Variants in RAPGEF2 observed in about 807,000 individuals in gnomAD.
RAPGEF2 encodes PDZ domain containing guanine nucleotide exchange factor (GEF) 1.
Under a neutral mutation model 186.7 loss-of-function variants are expected in RAPGEF2, and 54 were observed. The observed-to-expected ratio is 0.29, with a 90% CI of 0.23 to 0.36. The LOEUF (loss-of-function observed/expected upper bound fraction) is 0.36. Among genes scored for constraint, RAPGEF2 ranks in the 10% least tolerant of loss-of-function variants. The probability of loss-of-function intolerance (pLI) is 1.00; values close to 1 mark genes in which losing one functional copy is unlikely to be tolerated. For synonymous variants in RAPGEF2, 712 were observed against 705.9 expected, an observed-to-expected ratio of 1.01 and a Z score of -0.14; for missense variants, 1,532 against 2,045.0, an observed-to-expected ratio of 0.75 and a Z score of 4.84.
intron 8 of RAPGEF2, among the ~76,000 whole-genome samples, 182 bp from the exon 9 acceptor site, chr4:159,314,409 G>A (rs867532893): frequency 2.0e-5 from 3 of 152,130 alleles, no homozygotes; most frequent in Admixed American, 6.5e-5. Flanking sequence ...TTTAATAGGA[G>A]GTGGAATCAC....
At chr4:159,238,587 T>G (rs1331893438) in intron 4 of RAPGEF2, among the ~76,000 whole-genome samples, 1 of 152,190 alleles carries the variant, frequency 6.6e-6, no homozygotes, top group East Asian at 1.9e-4. Context: ...TTGAAAATAT[T>G]ATGTTAGAAT....
intron 18 of RAPGEF2, 53 bp from the exon 19 acceptor site, chr4:159,339,061 T>A: frequency 6.4e-7 from 1 of 1,566,422 alleles, no homozygotes; most frequent in Non-Finnish European, 8.7e-7. Context: ...TTAATTGCAT[T>A]GCCATATATT....
chr4:159,178,322 G>A (rs1746653601), intron 1 of RAPGEF2, among the ~76,000 whole-genome samples: 1 of 152,088 alleles, frequency 6.6e-6, no homozygotes, highest in African/African-American at 2.4e-5. Flanking sequence ...AGGAGGTGGA[G>A]AAATATTAAT....
rs145588650 is a variant in RAPGEF2 at position 159,302,256 on chromosome 4, T to C, written c.544-2086T>C. Among the ~76,000 whole-genome samples the C allele has an allele frequency of 2.6e-4, 39 of 152,328 alleles. No individual in the cohort carries two copies. The East Asian group carries it at 7.3e-3, about 29-fold the overall frequency. On this transcript the variant is annotated intron_variant, in intron 7 of 29. Coordinates refer to ENST00000691494, the MANE Select transcript of RAPGEF2 (RefSeq NM_001394067.2). ...CTTAGTCAGGGAAGATGATGGATTC[T>C]GAAGAGAAGAGAGTTCTGTGAGACC... is the stretch of plus-strand genomic sequence containing the variant.
At chr4:159,198,490 G>C (rs1376590498) in intron 3 of RAPGEF2, among the ~76,000 whole-genome samples, 1 of 150,394 alleles carries the variant, frequency 6.6e-6, no homozygotes, top group Non-Finnish European at 1.5e-5. Context: ...CTGTTACCCA[G>C]GCTGGAGTGC....
intron 7 of RAPGEF2, among the ~76,000 whole-genome samples, chr4:159,296,202 A>G (rs1762008140): frequency 6.6e-6 from 1 of 152,260 alleles, no homozygotes. Context: ...AATGTTATAC[A>G]GCACTGTGTC....
intron 7 of RAPGEF2, among the ~76,000 whole-genome samples, chr4:159,257,010 A>G (rs1020458575): frequency 1.3e-5 from 2 of 152,084 alleles, no homozygotes; most frequent in Admixed American, 1.3e-4. Context: ...CTCTGATGAT[A>G]GTCTCTTTTG....
chr4:159,318,410 C>T (rs865780302), intron 9 of RAPGEF2, among the ~76,000 whole-genome samples: 5 of 152,312 alleles, frequency 3.3e-5, no homozygotes, highest in Middle Eastern at 3.4e-3. Flanking sequence ...TCCTACCCAA[C>T]GTCCTCTTCC....
At chr4:159,197,204 C>T (rs1185782494) in intron 3 of RAPGEF2, among the ~76,000 whole-genome samples, 2 of 152,202 alleles carry the variant, frequency 1.3e-5, no homozygotes, top group African/African-American at 4.8e-5. Context: ...TTGCAGCATA[C>T]TGCCAATAAG....
At chr4:159,344,089 C>T in intron 23 of RAPGEF2, 30 bp downstream of exon 23, 1 of 1,523,442 alleles carries the variant, frequency 6.6e-7, no homozygotes, top group Non-Finnish European at 9.1e-7. Context: ...CATACCCACA[C>T]ACAGTTCTTA....
At chr4:159,352,327 A>G (rs957066842) in intron 26 of RAPGEF2, 2 of 172,736 alleles carry the variant, frequency 1.2e-5, no homozygotes, top group Non-Finnish European at 2.5e-5. Flanking sequence ...TTGCATTTTG[A>G]AAAAAACATA....
intron 7 of RAPGEF2, among the ~76,000 whole-genome samples, chr4:159,298,045 T>G (rs1211484807): frequency 6.6e-6 from 1 of 152,206 alleles, no homozygotes; most frequent in Non-Finnish European, 1.5e-5. Context: ...AATTACAAAT[T>G]GTTAATTTTG....
chr4:159,200,228 G>A (rs566925300), intron 3 of RAPGEF2, among the ~76,000 whole-genome samples: 1 of 152,262 alleles, frequency 6.6e-6, no homozygotes, highest in South Asian at 2.1e-4. Context: ...AGCACCTTGG[G>A]AGGCTGAGGT....
Position 159,104,109 on chromosome 4 carries a change from C to T in RAPGEF2, c.-54C>T, listed in dbSNP as rs1467438778. On this transcript the variant is annotated 5_prime_UTR_variant, in exon 1 of 30. Coordinates refer to ENST00000691494, the MANE Select transcript of RAPGEF2 (RefSeq NM_001394067.2). Reference sequence around the variant, plus strand: ...GGCGGAGGCAGCAGCGGCGCTGGGCCGGGAGGAGGCCGGCCAGGGTGCGGA... The same window carrying T: ...GGCGGAGGCAGCAGCGGCGCTGGGCTGGGAGGAGGCCGGCCAGGGTGCGGA... 3 of 1,282,604 alleles carry T rather than the reference C, an allele frequency of 2.3e-6. No homozygotes were observed. Among genetic ancestry groups the T allele is most frequent in the African/African-American group, 1.6e-5 (1 of 64,428 alleles). The allele number at this position is 1,282,604 out of a possible 1,614,324, so 79.5% of individuals were successfully genotyped here.
chr4:159,179,568 A>G lies in RAPGEF2; in HGVS notation c.70-7074A>G, dbSNP rs75226512. On this transcript the variant is annotated intron_variant, in intron 1 of 29. Transcript: ENST00000691494. ...GTTGGTTTGAGGAGCGGGACTTCTC[A>G]GCACCCCATTCTTACTCACTTGCCT... Among the ~76,000 whole-genome samples the G allele has an allele frequency of 8.8e-4, 134 of 152,356 alleles. 2 individuals carry two copies. The East Asian group carries it at 0.024, about 27-fold the overall frequency.
At chr4:159,168,540 G>C (rs1745572346) in intron 1 of RAPGEF2, among the ~76,000 whole-genome samples, 1 of 151,854 alleles carries the variant, frequency 6.6e-6, no homozygotes, top group African/African-American at 2.4e-5. Flanking sequence ...GTTCTGCCAA[G>C]TTGGGTTTCA....
In RAPGEF2 at chr4:159,125,824, G is replaced by A. The variant is rs184299147; in HGVS notation, c.69+21593G>A. On this transcript the variant is annotated intron_variant, in intron 1 of 29. Coordinates refer to ENST00000691494, the MANE Select transcript of RAPGEF2 (RefSeq NM_001394067.2). ...ATCTATGACAATTTTATCAATATGT[G>A]TTAAGAAAAGAGGCTGTTCCAATTG... Among the ~76,000 whole-genome samples the A allele has an allele frequency of 3.0e-4, 46 of 152,094 alleles. 1 individual carries two copies. In the East Asian group the frequency reaches 7.1e-3, roughly 24 times the overall value.
At chr4:159,340,218 C>A (rs1729196863) in intron 19 of RAPGEF2, among the ~76,000 whole-genome samples, 1 of 152,138 alleles carries the variant, frequency 6.6e-6, no homozygotes, top group Non-Finnish European at 1.5e-5. Context: ...GGATATAATT[C>A]ATTGAAACCT....
intron 4 of RAPGEF2, among the ~76,000 whole-genome samples, chr4:159,231,822 T>A (rs1455170037): frequency 6.6e-6 from 1 of 152,210 alleles, no homozygotes; most frequent in Admixed American, 6.5e-5. Flanking sequence ...CTTCTGATGC[T>A]AAGCATTTTG....
Sources: allele counts gnomAD v4.1 joint callset (sites outside exome capture counted in the v4.1 genomes callset), GRCh38; gene constraint gnomAD v4.1.1; transcripts MANE v1.5; gene names NCBI Gene and HGNC (gene_info 2026-07-23, HGNC 2026-07-21).